CPNE4: variants seen among roughly 807,000 people sequenced by gnomAD.
CPNE4 encodes copine 4, also known as copine-4.
A neutral mutation model predicts 67.9 loss-of-function variants in CPNE4; 25 were observed. That is an observed-to-expected ratio of 0.37 (90% CI 0.27 to 0.51). The LOEUF is 0.51. Ranked by LOEUF, CPNE4 falls within the 20% of genes least tolerant of loss-of-function variation. The probability of loss-of-function intolerance (pLI) is 0.93; values close to 1 mark genes in which losing one functional copy is unlikely to be tolerated. For missense variants in CPNE4, 464 were observed against 690.8 expected (o/e 0.67, Z 3.68); for synonymous variants, 242 against 244.9 (o/e 0.99, Z 0.11).
At chr3:131,830,421 CT>C (rs2085320456) in intron 2 of CPNE4, among the ~76,000 whole-genome samples, 1 of 152,098 alleles carries the variant, frequency 6.6e-6, no homozygotes, top group African/African-American at 2.4e-5. Flanking sequence ...GTTATTCTAT[CT>C]CCTTTCTGAC....
chr3:131,857,112 A>T (rs1188427874), intron 2 of CPNE4, among the ~76,000 whole-genome samples: 1 of 152,058 alleles, frequency 6.6e-6, no homozygotes. Flanking sequence ...GCAATGAGAG[A>T]AAGATTAGAA....
intron 2 of CPNE4, among the ~76,000 whole-genome samples, chr3:131,799,551 T>C (rs771724717): frequency 6.6e-6 from 1 of 152,204 alleles, no homozygotes; most frequent in Non-Finnish European, 1.5e-5. Context: ...CCCCAGTCTC[T>C]GAATTTAACT....
intron 2 of CPNE4, among the ~76,000 whole-genome samples, chr3:131,744,254 T>G (rs1296493081): frequency 1.3e-5 from 2 of 152,058 alleles, no homozygotes; most frequent in Non-Finnish European, 2.9e-5. Flanking sequence ...ATATAGAAAT[T>G]TATTAAAAAG....
intron 7 of CPNE4, among the ~76,000 whole-genome samples, chr3:131,668,448 T>A (rs1485483657): frequency 6.6e-6 from 1 of 152,018 alleles, no homozygotes; most frequent in Non-Finnish European, 1.5e-5. Flanking sequence ...ACAGTGGAGG[T>A]GGGCACTCCT....
intron 2 of CPNE4, among the ~76,000 whole-genome samples, chr3:131,839,586 T>G (rs2085694756): frequency 6.6e-6 from 1 of 152,044 alleles, no homozygotes. Context: ...TTTATGCACA[T>G]ATATTCATTT....
At chr3:131,777,989 A>G (rs1000609029) in intron 2 of CPNE4, among the ~76,000 whole-genome samples, 7 of 152,128 alleles carry the variant, frequency 4.6e-5, no homozygotes, top group African/African-American at 1.7e-4. Flanking sequence ...TTGTCAAAAC[A>G]TAGTCTCCCA....
At chr3:131,892,844 A>G (rs1475561415) in intron 2 of CPNE4, among the ~76,000 whole-genome samples, 2 of 152,032 alleles carry the variant, frequency 1.3e-5, no homozygotes, top group African/African-American at 2.4e-5. Context: ...CAAATGAGAA[A>G]GAGAATGGAA....
chr3:131,935,413 T>C (rs2071193603), intron 1 of CPNE4, among the ~76,000 whole-genome samples: 1 of 152,148 alleles, frequency 6.6e-6, no homozygotes, highest in African/African-American at 2.4e-5. Context: ...GAAAGTGGGA[T>C]GTTTTAATTA....
At chr3:131,900,710 T>A (rs886518494) in intron 2 of CPNE4, among the ~76,000 whole-genome samples, 1 of 152,050 alleles carries the variant, frequency 6.6e-6, no homozygotes, top group African/African-American at 2.4e-5. Flanking sequence ...GGAAATAACA[T>A]AAGTGGATGG....
At chr3:131,919,574 G>A (rs1032125426) in intron 1 of CPNE4, among the ~76,000 whole-genome samples, 1 of 152,200 alleles carries the variant, frequency 6.6e-6, no homozygotes, top group Non-Finnish European at 1.5e-5. Flanking sequence ...GGCTTCTGGA[G>A]TGCAGAAATA....
chr3:132,002,551 G>C (rs1352143878), intron 1 of CPNE4, among the ~76,000 whole-genome samples: 1 of 152,086 alleles, frequency 6.6e-6, no homozygotes, highest in Non-Finnish European at 1.5e-5. Flanking sequence ...TTAAGCATTT[G>C]TCTGCCTGAA....
At chr3:131,760,425 G>A (rs927414782) in intron 2 of CPNE4, among the ~76,000 whole-genome samples, 2 of 152,056 alleles carry the variant, frequency 1.3e-5, no homozygotes, top group Non-Finnish European at 2.9e-5. Context: ...ATTTGAATCT[G>A]ACCTCTTCCT....
At chr3:132,016,463 T>C (rs532598037) in intron 1 of CPNE4, among the ~76,000 whole-genome samples, 123 of 152,310 alleles carry the variant, frequency 8.1e-4, no homozygotes, top group African/African-American at 2.7e-3. Context: ...ATAGACTAGA[T>C]GGCTCCCCTG....
intron 7 of CPNE4, among the ~76,000 whole-genome samples, chr3:131,659,740 A>G (rs1194912641): frequency 6.6e-6 from 1 of 152,178 alleles, no homozygotes; most frequent in African/African-American, 2.4e-5. Context: ...TACCCTTTGC[A>G]TGCAAGGGTT....
chr3:131,978,366 TTA>T (rs1560722917), intron 1 of CPNE4, among the ~76,000 whole-genome samples: 1 of 1,172 alleles, frequency 8.5e-4, no homozygotes, highest in Non-Finnish European at 1.6e-3. Context: ...TTATATATAT[TTA>T]TATATATATT....
chr3:131,623,193 G>A (rs932984347), intron 7 of CPNE4, among the ~76,000 whole-genome samples: 4 of 151,430 alleles, frequency 2.6e-5, no homozygotes, highest in African/African-American at 4.9e-5. Flanking sequence ...ATCTTTTTAT[G>A]TCACTAAACT....
chr3:131,780,618 T>G (rs1342940049), intron 2 of CPNE4, among the ~76,000 whole-genome samples: 1 of 151,870 alleles, frequency 6.6e-6, no homozygotes, highest in African/African-American at 2.4e-5. Context: ...AGCTAAACAC[T>G]GAGAACACAC....
chr3:131,547,976 C>T (rs1935965807), intron 14 of CPNE4, among the ~76,000 whole-genome samples: 3 of 152,136 alleles, frequency 2.0e-5, no homozygotes, highest in Admixed American at 2.0e-4. Flanking sequence ...ACTTCCTATT[C>T]CCTTGTAGGA....
chr3:131,790,249 CTA>C (rs2083681365), intron 2 of CPNE4, among the ~76,000 whole-genome samples: 1 of 152,136 alleles, frequency 6.6e-6, no homozygotes, highest in African/African-American at 2.4e-5. Context: ...TAATGAAAGA[CTA>C]TGCTAACTCC....
Sources: allele counts gnomAD v4.1 joint callset (sites outside exome capture counted in the v4.1 genomes callset), GRCh38; gene constraint gnomAD v4.1.1; transcripts MANE v1.5; gene names NCBI Gene and HGNC (gene_info 2026-07-23, HGNC 2026-07-21).